Variants in PCDHGA4 observed in about 807,000 individuals in gnomAD.
PCDHGA4 encodes the protein protocadherin gamma subfamily A, 4.
Under a neutral mutation model 54.6 loss-of-function variants are expected in PCDHGA4, and 38 were observed. The observed-to-expected ratio is 0.70, with a 90% CI of 0.54 to 0.91. The LOEUF (loss-of-function observed/expected upper bound fraction) is 0.91, where lower values mean the gene tolerates loss of function less well. Ranked by LOEUF, PCDHGA4 falls within the 40% of genes least tolerant of loss-of-function variation. The pLI, the probability that PCDHGA4 is intolerant of heterozygous loss-of-function variation, is 0.00. For missense variants in PCDHGA4, 1,298 were observed against 1,220.9 expected, an observed-to-expected ratio of 1.06 and a Z score of -0.94; for synonymous variants, 511 against 512.9, an observed-to-expected ratio of 1.00 and a Z score of 0.05.
intron 1 of PCDHGA4, chr5:141,423,628 AT>A (rs2096762361): frequency 6.2e-7 from 1 of 1,604,844 alleles, no homozygotes; most frequent in Admixed American, 1.7e-5. Flanking sequence ...CTCAGCTATC[AT>A]TTTAGGCAAA....
At position 141,477,458 on chromosome 5, in the gene PCDHGA4, T is replaced by C; in HGVS notation, c.2515-17349T>C. 6.2e-7 allele frequency: 1 copy of C among 1,614,126 alleles called. No homozygotes were observed. The highest frequency in any genetic ancestry group is 8.5e-7 in the Non-Finnish European group (1 of 1,180,022). ...CCTTACAATAGTGCGTGTTCAAGTG[T>C]CCGACATCAATGACAACCCTCCACA... On this transcript the variant is annotated intron_variant, in intron 1 of 3. Transcript: ENST00000571252. This position sits in a 1 kb window ranked among gnomAD's most constrained non-coding sequence, Gnocchi z 4.9.
rs1271293217 is a variant in PCDHGA4, at chr5:141,374,804, A to G, written c.2514+17183A>G. On this transcript the variant is annotated intron_variant, in intron 1 of 3. Transcript: ENST00000571252. ...TCTAGATGTGAATGACAACACTCCA[A>G]TGTTTACTCAGCCTGTCTACCGTGT... The G allele has an allele frequency of 6.8e-6, 11 of 1,613,854 alleles. No individual in the cohort carries two copies. In the East Asian group the frequency reaches 1.6e-4, roughly 23 times the overall value.
chr5:141,496,980 G>T (rs186715298), intron 2 of PCDHGA4, among the ~76,000 whole-genome samples: 1 of 151,974 alleles, frequency 6.6e-6, no homozygotes, highest in Admixed American at 6.6e-5. Flanking sequence ...GAGGTCAGGG[G>T]TTTGAGACCA....
At position 141,361,013 on chromosome 5, in the gene PCDHGA4, A is replaced by G. The variant is rs185853995; in HGVS notation, c.2514+3392A>G. 4.3e-6 allele frequency: 7 copies of G among 1,613,268 alleles called. No individual in the cohort carries two copies. The East Asian group carries it at 1.6e-4, about 36-fold the overall frequency. On this transcript the variant is annotated intron_variant, in intron 1 of 3. Transcript: ENST00000571252. Reference sequence around the variant, plus strand: ...GACGAACAAGTGAAACACTTTTTCAACTTAAATGAAAAAACAGGAGAAATC... The same window carrying G: ...GACGAACAAGTGAAACACTTTTTCAGCTTAAATGAAAAAACAGGAGAAATC...
At position 141,477,984 on chromosome 5, in the gene PCDHGA4, T is replaced by A; in HGVS notation, c.2515-16823T>A. On this transcript the variant is annotated intron_variant, in intron 1 of 3. Coordinates refer to ENST00000571252, the MANE Select transcript of PCDHGA4 (RefSeq NM_018917.4). This position sits in a 1 kb window ranked among gnomAD's most constrained non-coding sequence, Gnocchi z 4.9. ...AACCAGAGCCTTTTTGCCATAGGGC[T>A]GCACACTGGTCAAATCAGTACTGCC... 6.2e-7 allele frequency: 1 copy of A among 1,614,146 alleles called. No homozygotes were observed. The highest frequency in any genetic ancestry group is 8.5e-7 in the Non-Finnish European group (1 of 1,180,028).
chr5:141,404,047 A>G, intron 1 of PCDHGA4: 1 of 1,613,860 alleles, frequency 6.2e-7, no homozygotes, highest in Non-Finnish European at 8.5e-7. Context: ...AGGGAACAGT[A>G]ATTCTTCTTT....
chr5:141,384,340 A>C (rs970369905), intron 1 of PCDHGA4: 6 of 1,613,856 alleles, frequency 3.7e-6, no homozygotes, highest in South Asian at 1.1e-5. Context: ...GGACCACGAC[A>C]GTGAGGATAA....
At position 141,489,733 on chromosome 5, in the gene PCDHGA4, A is replaced by C; in HGVS notation, c.2515-5074A>C. ...TGCCCAGGATCCGGATGTGGGCACC[A>C]ATACTGTGAGCTTTTACACTCTAAG... On this transcript the variant is annotated intron_variant, in intron 1 of 3. Coordinates refer to ENST00000571252, the MANE Select transcript of PCDHGA4 (RefSeq NM_018917.4). This position sits in a 1 kb window ranked among gnomAD's most constrained non-coding sequence, Gnocchi z 4.5. 1 of 1,614,168 alleles carries C rather than the reference A, an allele frequency of 6.2e-7. No individual in the cohort carries two copies. The highest frequency in any genetic ancestry group is 1.1e-5 in the South Asian group (1 of 91,078).
rs2154594699 is a variant in PCDHGA4 at position 141,512,507 on chromosome 5, C to T, written c.*1334C>T. 6.5e-6 allele frequency: 1 copy of T among 153,048 alleles called. No individual in the cohort carries two copies. Among genetic ancestry groups the T allele is most frequent in the South Asian group, 2.1e-4 (1 of 4,836 alleles). 9.5% of individuals were successfully genotyped at this position (153,048 alleles called of 1,614,324 possible). ...CACTGCCCAGGTCCCCAGTGCGCCCCCTAGTGGCCATAGCCTGGTTAAAGT... is the reference window on the plus strand; with the variant it reads ...CACTGCCCAGGTCCCCAGTGCGCCCTCTAGTGGCCATAGCCTGGTTAAAGT... On this transcript the variant is annotated 3_prime_UTR_variant, in exon 4 of 4. Transcript: ENST00000571252.
rs768938171 is a variant in PCDHGA4 at position 141,487,276 on chromosome 5, C to T, written c.2515-7531C>T. ...TGGCTGTGTCCCTAGTGGCAATTTG[C>T]TTTGTCTCCTTTGGCTCATTCGTGG... On this transcript the variant is annotated intron_variant, in intron 1 of 3. Transcript: ENST00000571252. The surrounding 1 kb of genome is among the most constrained non-coding windows in gnomAD (Gnocchi z 5.0). The T allele has an allele frequency of 2.5e-6, 4 of 1,614,158 alleles. No homozygotes were observed. The East Asian group carries it at 8.9e-5, about 36-fold the overall frequency.
chr5:141,374,747 C>G, intron 1 of PCDHGA4: 1 of 1,612,140 alleles, frequency 6.2e-7, no homozygotes, highest in Non-Finnish European at 8.5e-7. Flanking sequence ...CGACCCTGTC[C>G]GCTCAAGCGT....
chr5:141,399,975 G>A (rs2093929990), intron 1 of PCDHGA4: 2 of 1,612,126 alleles, frequency 1.2e-6, no homozygotes, highest in East Asian at 2.2e-5. Flanking sequence ...TCAGCCTGGG[G>A]CTGCGCACAG....
At chr5:141,427,635 C>T in intron 1 of PCDHGA4, 1 of 706,280 alleles carries the variant, frequency 1.4e-6, no homozygotes, top group African/African-American at 1.7e-5. Context: ...TCCGGTTTTC[C>T]ACCAAGTCTC....
Position 141,476,908 on chromosome 5 carries a change from A to T in PCDHGA4, c.2515-17899A>T. ...ATGCACCCTCCGGCACGCGCGTGGT[A>T]CAAGTCCTTGCAACGGATCTGGATG... is the stretch of plus-strand genomic sequence containing the variant. On this transcript the variant is annotated intron_variant, in intron 1 of 3. Coordinates refer to ENST00000571252, the MANE Select transcript of PCDHGA4 (RefSeq NM_018917.4). This position sits in a 1 kb window ranked among gnomAD's most constrained non-coding sequence, Gnocchi z 7.6. The T allele has an allele frequency of 1.2e-6, 2 of 1,614,050 alleles. No individual in the cohort carries two copies. The highest frequency in any genetic ancestry group is 1.7e-6 in the Non-Finnish European group (2 of 1,180,038).
chr5:141,369,104 T>C (rs571749140), intron 1 of PCDHGA4, among the ~76,000 whole-genome samples: 2 of 152,282 alleles, frequency 1.3e-5, no homozygotes, highest in South Asian at 2.1e-4. Context: ...GAAAATGGAA[T>C]TAAAACTGTA....
In PCDHGA4 at chr5:141,476,789, T is replaced by A. The variant is rs762462741; in HGVS notation, c.2515-18018T>A. On this transcript the variant is annotated intron_variant, in intron 1 of 3. Coordinates refer to ENST00000571252, the MANE Select transcript of PCDHGA4 (RefSeq NM_018917.4). The surrounding 1 kb of genome is among the most constrained non-coding windows in gnomAD (Gnocchi z 7.6). ...GTTGGACGGAGGGACCCCAGCTCTCTCCGCCAGCCTGCCTATTCACATCAA... is the reference window on the plus strand; with the variant it reads ...GTTGGACGGAGGGACCCCAGCTCTCACCGCCAGCCTGCCTATTCACATCAA... 1.3e-5 allele frequency: 21 copies of A among 1,613,374 alleles called. No individual in the cohort carries two copies. Among genetic ancestry groups the A allele is most frequent in the Non-Finnish European group, 1.7e-5 (20 of 1,180,016 alleles).
intron 1 of PCDHGA4, chr5:141,410,592 T>C: frequency 1.2e-6 from 2 of 1,609,264 alleles, no homozygotes; most frequent in Non-Finnish European, 1.7e-6. Context: ...GGGGAGGATT[T>C]GACTTCACAT....
At chr5:141,424,526 T>C (rs1020206614) in intron 1 of PCDHGA4, 2 of 152,216 alleles carry the variant, frequency 1.3e-5, no homozygotes, top group Non-Finnish European at 2.9e-5. Context: ...AGTAAATCCA[T>C]ATATAGAAAT....
intron 1 of PCDHGA4, among the ~76,000 whole-genome samples, chr5:141,379,998 C>A (rs560610207): frequency 7.1e-6 from 1 of 140,462 alleles, no homozygotes; most frequent in South Asian, 2.4e-4. Flanking sequence ...CTCCTGGGTT[C>A]AAGCGATTCT....
Sources: gnomAD v4.1 joint callset for allele counts (sites outside exome capture counted in the v4.1 genomes callset) on GRCh38, gnomAD v4.1.1 for gene constraint, Gnocchi (gnomAD v3.1) non-coding constraint, MANE v1.5 for transcripts, NCBI Gene and HGNC (gene_info 2026-07-23, HGNC 2026-07-21) for gene names.